Variants in CACNG8 observed in about 807,000 individuals in gnomAD.
CACNG8 encodes voltage-dependent calcium channel gamma-8 subunit.
Under a neutral mutation model 26.9 loss-of-function variants are expected in CACNG8, and 5 were observed. That is an observed-to-expected ratio of 0.19 (90% CI 0.10 to 0.39). The LOEUF is 0.39. Among genes scored for constraint, CACNG8 ranks in the 10% least tolerant of loss-of-function variants. The pLI is 1.00. For missense variants in CACNG8, 473 were observed against 609.4 expected, an observed-to-expected ratio of 0.78 and a Z score of 2.36; for synonymous variants, 321 against 296.7, an observed-to-expected ratio of 1.08 and a Z score of -0.84.
At chr19:53,969,042 C>T (rs1008506793) in intron 1 of CACNG8, among the ~76,000 whole-genome samples, 1 of 152,014 alleles carries the variant, frequency 6.6e-6, no homozygotes, top group African/African-American at 2.4e-5. Context: ...CTTGCTCTGT[C>T]ACCCAGGCTG....
intron 3 of CACNG8, 107 bp downstream of exon 3, chr19:53,980,114 G>A: frequency 4.0e-6 from 5 of 1,242,970 alleles, no homozygotes; most frequent in African/African-American, 1.5e-5. Flanking sequence ...GCAAGTGCGC[G>A]TTCGTGTGTC....
chr19:53,977,647 A>C (rs868152341), intron 1 of CACNG8, among the ~76,000 whole-genome samples: 16 of 152,184 alleles, frequency 1.1e-4, no homozygotes, highest in Middle Eastern at 3.2e-3. Context: ...TGCTCTTCTC[A>C]CAACTGGACT....
At chr19:53,971,867 C>T (rs780325825) in intron 1 of CACNG8, among the ~76,000 whole-genome samples, 2 of 152,170 alleles carry the variant, frequency 1.3e-5, no homozygotes, top group East Asian at 3.8e-4. Flanking sequence ...CTTGCATGCC[C>T]GGGTCTGCGC....
At chr19:53,966,334 C>T (rs148438781) in intron 1 of CACNG8, among the ~76,000 whole-genome samples, 11 of 152,058 alleles carry the variant, frequency 7.2e-5, no homozygotes, top group South Asian at 2.1e-4. Context: ...GTGATTGGCC[C>T]GCCTAGGCCT....
chr19:53,966,566 C>T (rs145546679), intron 1 of CACNG8, among the ~76,000 whole-genome samples: 42 of 151,888 alleles, frequency 2.8e-4, no homozygotes, highest in African/African-American at 1.0e-3. Context: ...GCACATGCCC[C>T]CATTTTTTGT....
In CACNG8 at chr19:53,985,460, T is replaced by G. The variant is rs1394838691; in HGVS notation, c.*2611T>G. On this transcript the variant is annotated 3_prime_UTR_variant, in exon 4 of 4. Coordinates refer to ENST00000270458, the MANE Select transcript of CACNG8 (RefSeq NM_031895.6). ...GGTTTCAGGAAGAGATGCTGGGAAA[T>G]GTAGGAAAAGGAATACAAATCAGTG... The G allele has an allele frequency of 6.6e-6, 1 of 151,940 alleles. No homozygotes were observed. The highest frequency in any genetic ancestry group is 2.4e-5 in the African/African-American group (1 of 41,274). The allele number at this position is 151,940 out of a possible 1,614,324, so 9.4% of individuals were successfully genotyped here. A position where few individuals can be genotyped will look rare whatever the true frequency, so the allele number is the denominator to read the frequency against.
intron 1 of CACNG8, among the ~76,000 whole-genome samples, chr19:53,972,361 C>CTTTTT (rs577196456): frequency 1.0e-4 from 11 of 106,286 alleles, no homozygotes; most frequent in East Asian, 2.8e-4. Context: ...TTCTTCTTTT[C>CTTTTT]TTTTTTTTTT....
At position 53,983,559 on chromosome 19, in the gene CACNG8, GC is replaced by G. The variant is rs1390007389; in HGVS notation, c.*714del. 6.6e-6 allele frequency: 1 copy of G among 152,192 alleles called. No homozygotes were observed. Among genetic ancestry groups the G allele is most frequent in the Non-Finnish European group, 1.5e-5 (1 of 68,054 alleles). 9.4% of individuals were successfully genotyped at this position (152,192 alleles called of 1,614,324 possible). ...GCAGGAGGCAGGAAAACAGCCAGGG[GC>G]CCCGACGTCTCATAGAGTAAACATC... is the stretch of plus-strand genomic sequence containing the variant. On this transcript the variant is annotated 3_prime_UTR_variant, in exon 4 of 4. Transcript: ENST00000270458.
chr19:53,963,509 C>T (rs1568794840), intron 1 of CACNG8, 84 bp downstream of exon 1: 4 of 1,341,744 alleles, frequency 3.0e-6, no homozygotes, highest in Non-Finnish European at 2.9e-6. Flanking sequence ...TGTCCCTGAT[C>T]CTGGGGCCCC....
rs945235304 is a variant in CACNG8, at chr19:53,990,075, T to A, written c.*7226T>A. The A allele has an allele frequency of 6.6e-6, 1 of 152,504 alleles. No individual in the cohort carries two copies. Among genetic ancestry groups the A allele is most frequent in the African/African-American group, 2.4e-5 (1 of 41,446 alleles). 9.4% of individuals were successfully genotyped at this position (152,504 alleles called of 1,614,324 possible). A position where few individuals can be genotyped will look rare whatever the true frequency, so the allele number is the denominator to read the frequency against. On this transcript the variant is annotated 3_prime_UTR_variant, in exon 4 of 4. Coordinates refer to ENST00000270458, the MANE Select transcript of CACNG8 (RefSeq NM_031895.6). ...CCACCTGGGCCGTCCACAGAAGGGC[T>A]GAGGGGTAGGGGGTGAGGGGTTGAA...
At position 53,982,859 on chromosome 19, in the gene CACNG8, G is replaced by A. The variant is rs2069382284; in HGVS notation, c.*10G>A. 1.5e-6 allele frequency: 2 copies of A among 1,301,324 alleles called. No homozygotes were observed. Among genetic ancestry groups the A allele is most frequent in the Non-Finnish European group, 2.0e-6 (2 of 1,022,888 alleles). The allele number at this position is 1,301,324 out of a possible 1,614,324, so 80.6% of individuals were successfully genotyped here. ...AACCACGCCTGTGTAGGGGCGCGGC[G>A]GGGGAGCCGAGGGGCGTGTCCGGGG... On this transcript the variant is annotated 3_prime_UTR_variant, in exon 4 of 4. Transcript: ENST00000270458. This position sits in a 1 kb window ranked among gnomAD's most constrained non-coding sequence, Gnocchi z 8.4.
intron 1 of CACNG8, 66 bp from the exon 2 acceptor site, chr19:53,978,080 A>C (rs113021440): frequency 0.046 from 49,100 of 1,070,930 alleles, 1,450 homozygotes; most frequent in Middle Eastern, 0.09. Context: ...GTCGGTTGTC[A>C]GTGGGGTTGC....
At chr19:53,977,640 TC>T (rs1302376741) in intron 1 of CACNG8, among the ~76,000 whole-genome samples, 1 of 152,200 alleles carries the variant, frequency 6.6e-6, no homozygotes, top group African/African-American at 2.4e-5. Context: ...CTGCGGCTGC[TC>T]TTCTCACAAC....
chr19:53,978,165 C>T lies in CACNG8; in HGVS notation c.303C>T (p.Cys101=). 1 of 1,612,902 alleles carries T rather than the reference C, an allele frequency of 6.2e-7. No homozygotes were observed. The highest frequency in any genetic ancestry group is 8.5e-7 in the Non-Finnish European group (1 of 1,179,700). ...CTCCAGGGTTGAAAAGAGGCGTCTG[C>T]GTGAAGATCAATCATTTCCCGGAGG... Residue 101 remains cysteine (C), a synonymous_variant, in exon 2 of 4, where the codon TGC becomes TGT. Transcript: ENST00000270458.
Position 53,982,660 on chromosome 19 carries a change from C to G in CACNG8, c.1089C>G (p.Ser363=). The G allele has an allele frequency of 2.8e-6, 3 of 1,078,412 alleles. No homozygotes were observed. The highest frequency in any genetic ancestry group is 3.4e-6 in the Non-Finnish European group (3 of 891,772). 66.8% of individuals were successfully genotyped at this position (1,078,412 alleles called of 1,614,324 possible). Residue 363 remains serine, a synonymous_variant, in exon 4 of 4, where the codon TCC becomes TCG. Coordinates refer to ENST00000270458, the MANE Select transcript of CACNG8 (RefSeq NM_031895.6). The surrounding 1 kb of genome is among the most constrained non-coding windows in gnomAD (Gnocchi z 8.4). ...CCGAGCGGGACCGCGGGGGGGCGTC[C>G]GGCTTCCTCACGCTGCACAACGCCT...
chr19:53,963,663 C>T (rs1031072254), intron 1 of CACNG8, among the ~76,000 whole-genome samples: 1 of 152,076 alleles, frequency 6.6e-6, no homozygotes, highest in African/African-American at 2.4e-5. Flanking sequence ...AGCCCCTCTG[C>T]CTCTCCGCTG....
Position 53,963,195 on chromosome 19 carries a change from G to A in CACNG8, c.53G>A (p.Gly18Glu). 6.3e-7 allele frequency: 1 copy of A among 1,596,786 alleles called. No homozygotes were observed. The highest frequency in any genetic ancestry group is 2.3e-5 in the East Asian group (1 of 42,906). Reference sequence around the variant, plus strand: ...GAGCGGGGCCTCTGGTGCGAGAAGGGGGTGCAGGTGCTGCTGACGACGGTG... The same window carrying A: ...GAGCGGGGCCTCTGGTGCGAGAAGGAGGTGCAGGTGCTGCTGACGACGGTG... The change falls in exon 1 of 4, where the codon GGG becomes GAG. Residue 18 changes from glycine (G) to glutamate (E), a missense_variant. Gly to Glu is a moderately conservative substitution (Grantham distance 98, BLOSUM62 -2). Around this residue, in one of 6 missense-constraint regions of CACNG8, gnomAD observed 26 missense variants for 23.8 expected, o/e 1.09. Transcript: ENST00000270458.
chr19:53,979,190 G>C (rs1568801244), intron 2 of CACNG8, among the ~76,000 whole-genome samples: 1 of 132,034 alleles, frequency 7.6e-6, no homozygotes, highest in Admixed American at 7.7e-5. Flanking sequence ...GATGAGGCCA[G>C]GCAGAAAAAG....
chr19:53,973,772 G>A (rs925707926), intron 1 of CACNG8, among the ~76,000 whole-genome samples: 2 of 152,018 alleles, frequency 1.3e-5, no homozygotes, highest in Non-Finnish European at 2.9e-5. Flanking sequence ...GTTGCAGTGA[G>A]CCGAAATCGA....
Sources: allele counts gnomAD v4.1 joint callset (sites outside exome capture counted in the v4.1 genomes callset), GRCh38; gene constraint gnomAD v4.1.1; regional missense constraint gnomAD v4.1.1; non-coding constraint Gnocchi (gnomAD v3.1); transcripts MANE v1.5; gene names NCBI Gene and HGNC (gene_info 2026-07-23, HGNC 2026-07-21).